The following ANK2 variants were observed in gnomAD, a reference collection of about 807,000 sequenced individuals.
ANK2 encodes the protein ankyrin 2, also known as ankyrin-2.
A neutral mutation model predicts 360.5 loss-of-function variants in ANK2; 83 were observed. The observed-to-expected ratio is 0.23, with a 90% CI of 0.19 to 0.28. The LOEUF is 0.28. Ranked by LOEUF, ANK2 falls within the 10% of genes least tolerant of loss-of-function variation. The pLI is 1.00. For synonymous variants in ANK2, 1,740 were observed against 1,759.5 expected (o/e 0.99, Z 0.28); for missense variants, 4,201 against 4,795.7 (o/e 0.88, Z 3.66).
intron 45 of ANK2, chr4:113,374,724 G>A: frequency 3.0e-6 from 3 of 1,001,812 alleles, no homozygotes; most frequent in Non-Finnish European, 3.6e-6. Context: ...GTTACATTTG[G>A]CAATCAGACA....
At chr4:113,335,233 A>C (rs1382227569) in intron 29 of ANK2, among the ~76,000 whole-genome samples, 2 of 152,218 alleles carry the variant, frequency 1.3e-5, no homozygotes, top group African/African-American at 4.8e-5. Context: ...TAATGGCATC[A>C]GGGGAATATT....
At chr4:113,312,165 TGG>T (rs771970498) in intron 24 of ANK2, among the ~76,000 whole-genome samples, 28,985 of 151,384 alleles carry the variant, frequency 0.19, 4,626 homozygotes, top group African/African-American at 0.45. Flanking sequence ...GTGCAGTGGC[TGG>T]GTGCTGAGAC....
At chr4:112,890,611 A>T (rs1198010427) in intron 1 of ANK2, among the ~76,000 whole-genome samples, 3 of 105,250 alleles carry the variant, frequency 2.9e-5, no homozygotes, top group African/African-American at 1.1e-4. Context: ...CTTATTGCCC[A>T]GGCTGGAGTG....
At chr4:113,257,455 T>G (rs1196888166) in intron 11 of ANK2, among the ~76,000 whole-genome samples, 8 of 152,208 alleles carry the variant, frequency 5.3e-5, no homozygotes, top group Non-Finnish European at 1.0e-4. Flanking sequence ...ACAATAAAAT[T>G]TATCTCATTG....
chr4:112,706,106 C>A, the ANK2 span, among the ~76,000 whole-genome samples: 1 of 151,200 alleles, frequency 6.6e-6, no homozygotes, highest in Admixed American at 6.6e-5. Flanking sequence ...CGCGGGAGAC[C>A]CGGGCGTGAC....
chr4:113,025,369 T>C (rs2059057884), intron 2 of ANK2, among the ~76,000 whole-genome samples: 2 of 152,226 alleles, frequency 1.3e-5, no homozygotes, highest in Non-Finnish European at 2.9e-5. Flanking sequence ...GGAATCTGCC[T>C]GGGTGTCCCC....
intron 35 of ANK2, 73 bp from the exon 36 acceptor site, chr4:113,348,203 C>T: frequency 1.3e-6 from 2 of 1,489,076 alleles, no homozygotes; most frequent in Non-Finnish European, 9.4e-7. Context: ...TTTACTCTTT[C>T]CTTTTCTTCT....
intron 1 of ANK2, among the ~76,000 whole-genome samples, chr4:113,079,516 T>C (rs2154346035): frequency 6.6e-6 from 1 of 152,360 alleles, no homozygotes; most frequent in Non-Finnish European, 1.5e-5. Context: ...GATTTTAAGT[T>C]ATCTGTGGTC....
At chr4:112,790,994 A>T in the ANK2 span, among the ~76,000 whole-genome samples, 1,623 of 152,342 alleles carry the variant, frequency 0.011, 29 homozygotes, top group African/African-American at 0.036. Flanking sequence ...GACAGTGCTC[A>T]AAGGATATGG....
At chr4:112,796,807 AAT>A in the ANK2 span, among the ~76,000 whole-genome samples, 91 of 152,348 alleles carry the variant, frequency 6.0e-4, no homozygotes, top group African/African-American at 2.1e-3. Flanking sequence ...AACAATGATC[AAT>A]GTCTGCTAAA....
intron 1 of ANK2, among the ~76,000 whole-genome samples, chr4:113,101,025 A>C (rs2092743616): frequency 6.6e-6 from 1 of 152,114 alleles, no homozygotes; most frequent in African/African-American, 2.4e-5. Context: ...AGGGTCGTGA[A>C]ACTATTCTGT....
At chr4:112,725,051 G>A in the ANK2 span, among the ~76,000 whole-genome samples, 40 of 152,048 alleles carry the variant, frequency 2.6e-4, no homozygotes, top group African/African-American at 9.2e-4. Context: ...AGGCTGAGGC[G>A]GGTGGATTGT....
chr4:113,047,738 G>A (rs918849480), upstream of ANK2, among the ~76,000 whole-genome samples: 46 of 152,236 alleles, frequency 3.0e-4, 1 homozygote, highest in African/African-American at 9.6e-4. Context: ...AGATACCACT[G>A]AAGCAATGGT....
At chr4:113,005,714 A>G (rs898115639) in intron 2 of ANK2, among the ~76,000 whole-genome samples, 9 of 152,166 alleles carry the variant, frequency 5.9e-5, no homozygotes, top group African/African-American at 2.2e-4. Context: ...CCGCCTCCAA[A>G]TCACATATTG....
At chr4:113,169,751 T>C (rs900920744) in intron 1 of ANK2, among the ~76,000 whole-genome samples, 39 of 152,318 alleles carry the variant, frequency 2.6e-4, no homozygotes, top group African/African-American at 9.1e-4. Context: ...TTTATTATAG[T>C]GTTAAGTATT....
chr4:112,716,993 T>A, the ANK2 span, among the ~76,000 whole-genome samples: 1 of 152,346 alleles, frequency 6.6e-6, no homozygotes, highest in South Asian at 2.1e-4. Flanking sequence ...TGGAATTTAT[T>A]TTTCCTTTTA....
chr4:113,359,360 T>C, intron 38 of ANK2, 61 bp downstream of exon 38: 1 of 1,597,942 alleles, frequency 6.3e-7, no homozygotes. Flanking sequence ...TATAGTTTTT[T>C]TGTATGTTTG....
intron 1 of ANK2, among the ~76,000 whole-genome samples, chr4:112,820,502 TC>T (rs529754876): frequency 6.6e-6 from 1 of 152,382 alleles, no homozygotes; most frequent in East Asian, 1.9e-4. Context: ...AATTTCTGGT[TC>T]TTTTTTATTT....
chr4:112,751,174 C>T, the ANK2 span, among the ~76,000 whole-genome samples: 1 of 152,156 alleles, frequency 6.6e-6, no homozygotes, highest in Admixed American at 6.5e-5. Context: ...GTCCCCAAAA[C>T]CAACCCCAAC....
Sources: gnomAD v4.1 joint callset for allele counts (sites outside exome capture counted in the v4.1 genomes callset) on GRCh38, gnomAD v4.1.1 for gene constraint, MANE v1.5 for transcripts, NCBI Gene and HGNC (gene_info 2026-07-23, HGNC 2026-07-21) for gene names.